SOS1: variants seen among roughly 807,000 people sequenced by gnomAD.
SOS1 encodes the protein SOS Ras/Rac guanine nucleotide exchange factor 1, also known as son of sevenless homolog 1.
In SOS1, 25 loss-of-function variants were observed where a neutral mutation model predicts 157.6. The observed-to-expected ratio is 0.16, with a 90% CI of 0.12 to 0.22. The LOEUF (loss-of-function observed/expected upper bound fraction) is 0.22, where lower values mean the gene tolerates loss of function less well. Among genes scored for constraint, SOS1 ranks in the 10% least tolerant of loss-of-function variants. The pLI is 1.00. For missense variants in SOS1, 1,237 were observed against 1,599.1 expected (o/e 0.77, Z 3.86); for synonymous variants, 528 against 534.0 (o/e 0.99, Z 0.16).
At chr2:39,065,479 C>T (rs1054014220) in intron 2 of SOS1, among the ~76,000 whole-genome samples, 3 of 152,184 alleles carry the variant, frequency 2.0e-5, no homozygotes, top group Admixed American at 6.5e-5. Flanking sequence ...CTGGTCTAGC[C>T]ATATCCTGCT....
chr2:39,062,218 G>C (rs927512179), intron 2 of SOS1, among the ~76,000 whole-genome samples: 1 of 151,862 alleles, frequency 6.6e-6, no homozygotes, highest in African/African-American at 2.4e-5. Context: ...AGGAGTTCAA[G>C]ACCAGCCTGG....
At chr2:39,054,585 A>G in intron 5 of SOS1, 29 bp downstream of exon 5, 1 of 1,249,088 alleles carries the variant, frequency 8.0e-7, no homozygotes. Context: ...AACACATTCA[A>G]TGAGAGGCAT....
At chr2:39,014,037 T>C (rs779389084) in intron 11 of SOS1, 48 bp from the exon 12 acceptor site, 1 of 1,442,772 alleles carries the variant, frequency 6.9e-7, no homozygotes, top group Admixed American at 1.7e-5. Context: ...TATATCGAGT[T>C]ATACAAATAG....
At chr2:39,006,320 G>T in intron 17 of SOS1, 92 bp downstream of exon 17, 3 of 789,132 alleles carry the variant, frequency 3.8e-6, no homozygotes, top group Non-Finnish European at 6.9e-6. Context: ...TTTTCTGCTG[G>T]CATATTACAC....
intron 1 of SOS1, among the ~76,000 whole-genome samples, chr2:39,083,522 G>C (rs1309602808): frequency 6.6e-6 from 1 of 152,186 alleles, no homozygotes; most frequent in African/African-American, 2.4e-5. Flanking sequence ...AGAGTAGCTG[G>C]AGCAAAACCC....
intron 1 of SOS1, among the ~76,000 whole-genome samples, chr2:39,089,530 C>CA (rs56688960): frequency 0.9 from 105,772 of 118,056 alleles, 47,350 homozygotes; most frequent in Non-Finnish European, 0.92. Context: ...ACTCTGTCTC[C>CA]AAAAAAAAAA....
intron 8 of SOS1, among the ~76,000 whole-genome samples, chr2:39,031,098 G>A: frequency 6.6e-6 from 1 of 152,148 alleles, no homozygotes; most frequent in East Asian, 1.9e-4. Flanking sequence ...CCAGAACTGT[G>A]AAAGAATAAA....
intron 1 of SOS1, among the ~76,000 whole-genome samples, chr2:39,096,779 G>A (rs944364180): frequency 4.6e-5 from 7 of 151,974 alleles, no homozygotes; most frequent in East Asian, 1.9e-4. Flanking sequence ...CCAGCTACTC[G>A]GGAGGCTGAG....
chr2:38,995,071 G>C lies in SOS1; in HGVS notation c.3346+52C>G, dbSNP rs1668846750. 4 of 1,472,670 alleles carry C rather than the reference G, an allele frequency of 2.7e-6. No homozygotes were observed. The Admixed American group carries it at 5.0e-5, about 18-fold the overall frequency. 91.2% of individuals were successfully genotyped at this position (1,472,670 alleles called of 1,614,324 possible). A position where few individuals can be genotyped will look rare whatever the true frequency, so the allele number is the denominator to read the frequency against. On this transcript the variant is annotated intron_variant, in intron 20 of 22. Coordinates refer to ENST00000402219, the MANE Select transcript of SOS1 (RefSeq NM_005633.4). ...TAACAGAGATTCTTTTTTACCTCTAGCATGTATAGTACTAACAAATACCTT... is the reference window on the plus strand; with the variant it reads ...TAACAGAGATTCTTTTTTACCTCTACCATGTATAGTACTAACAAATACCTT...
intron 2 of SOS1, among the ~76,000 whole-genome samples, chr2:39,064,577 C>T (rs1422190426): frequency 6.6e-6 from 1 of 152,000 alleles, no homozygotes; most frequent in Non-Finnish European, 1.5e-5. Flanking sequence ...GGTCTCTTGA[C>T]CTTATTCCTC....
intron 19 of SOS1, 47 bp from the exon 20 acceptor site, chr2:38,995,434 A>G: frequency 1.3e-6 from 2 of 1,528,986 alleles, no homozygotes; most frequent in South Asian, 1.1e-5. Flanking sequence ...ACTGTAGTAG[A>G]AAGGAAAGTT....
chr2:39,012,673 T>A (rs1279102261), intron 13 of SOS1, among the ~76,000 whole-genome samples: 1 of 152,126 alleles, frequency 6.6e-6, no homozygotes, highest in African/African-American at 2.4e-5. Context: ...TATTTTATAA[T>A]CCTCCAAGAA....
At chr2:39,110,432 A>T (rs1673381139) in intron 1 of SOS1, among the ~76,000 whole-genome samples, 1 of 149,180 alleles carries the variant, frequency 6.7e-6, no homozygotes, top group Non-Finnish European at 1.5e-5. Context: ...CATACACACG[A>T]ATCATGTAAT....
chr2:39,000,412 T>C (rs976011576), intron 17 of SOS1, among the ~76,000 whole-genome samples: 15 of 152,212 alleles, frequency 9.9e-5, no homozygotes, highest in Admixed American at 2.6e-4. Flanking sequence ...TATATATTAG[T>C]AAAGCTTAGG....
At position 39,054,721 on chromosome 2, in the gene SOS1, C is replaced by G. The variant is rs1341328808; in HGVS notation, c.613G>C (p.Val205Leu). 6.3e-7 allele frequency: 1 copy of G among 1,595,882 alleles called. No individual in the cohort carries two copies. Among genetic ancestry groups the G allele is most frequent in the Non-Finnish European group, 8.6e-7 (1 of 1,163,564 alleles). ...TSGEQTYYDLVKAFMAEIRQY... is the reference protein window; with the variant it reads ...TSGEQTYYDLLKAFMAEIRQY... ...CGAATTTCTGCCATAAATGCTTTTACCAAATCATAGTAAGTTTGTTCTCCT... is the reference window on the plus strand; with the variant it reads ...CGAATTTCTGCCATAAATGCTTTTAGCAAATCATAGTAAGTTTGTTCTCCT... The change falls in exon 5 of 23, where the codon GTA becomes CTA. Residue 205 changes from valine to leucine, a missense_variant. Transcript: ENST00000402219.
chr2:38,989,871 A>C (rs902949187), intron 20 of SOS1, among the ~76,000 whole-genome samples: 1 of 152,100 alleles, frequency 6.6e-6, no homozygotes, highest in African/African-American at 2.4e-5. Context: ...GTCATTAAAC[A>C]TTTGGTGCCT....
intron 1 of SOS1, among the ~76,000 whole-genome samples, chr2:39,070,050 A>G (rs1671744819): frequency 6.6e-6 from 1 of 152,162 alleles, no homozygotes; most frequent in Non-Finnish European, 1.5e-5. Flanking sequence ...CCCAGAATTC[A>G]TAATTCTGAG....
chr2:39,040,157 G>A (rs1190788644), intron 6 of SOS1, among the ~76,000 whole-genome samples: 3 of 150,594 alleles, frequency 2.0e-5, no homozygotes, highest in Admixed American at 2.0e-4. Context: ...GACTACAAGC[G>A]CCCGCCACTA....
chr2:39,050,145 A>C (rs951112954), intron 6 of SOS1, among the ~76,000 whole-genome samples: 8 of 152,170 alleles, frequency 5.3e-5, no homozygotes, highest in Non-Finnish European at 1.0e-4. Flanking sequence ...ATTTTGCCTG[A>C]AAGTCTTAAT....
Sources: allele counts gnomAD v4.1 joint callset (sites outside exome capture counted in the v4.1 genomes callset), GRCh38; gene constraint gnomAD v4.1.1; transcripts MANE v1.5; gene names NCBI Gene and HGNC (gene_info 2026-07-23, HGNC 2026-07-21).